Variants in GARS1 observed in about 807,000 individuals in gnomAD.
GARS1 encodes glycine--tRNA ligase.
A neutral mutation model predicts 86.4 loss-of-function variants in GARS1; 46 were observed. That is an observed-to-expected ratio of 0.53 (90% confidence interval 0.42 to 0.68). GARS1 has a LOEUF of 0.68. GARS1 is among the 30% of genes least tolerant of loss of function. The pLI, the probability that GARS1 is intolerant of heterozygous loss-of-function variation, is 0.00. For missense variants in GARS1, 797 were observed against 915.6 expected, an observed-to-expected ratio of 0.87 and a Z score of 1.67; for synonymous variants, 342 against 329.8, an observed-to-expected ratio of 1.04 and a Z score of -0.40.
chr7:30,617,370 G>A, intron 10 of GARS1, 92 bp downstream of exon 10: 13 of 1,386,360 alleles, frequency 9.4e-6, no homozygotes, highest in Non-Finnish European at 1.3e-5. Context: ...ATGTCACAGA[G>A]GAACAAAGGG....
At chr7:30,620,558 GAC>G (rs1782983396) in intron 10 of GARS1, among the ~76,000 whole-genome samples, 1 of 152,128 alleles carries the variant, frequency 6.6e-6, no homozygotes, top group African/African-American at 2.4e-5. Flanking sequence ...TTTTGTCAAG[GAC>G]ACAAGCATTC....
intron 7 of GARS1, 64 bp downstream of exon 7, chr7:30,609,794 G>A: frequency 6.6e-7 from 1 of 1,515,624 alleles, no homozygotes; most frequent in Non-Finnish European, 9.1e-7. Context: ...TATATTAAAA[G>A]GTAAATATCA....
At chr7:30,597,850 T>A (rs1273444711) in intron 1 of GARS1, among the ~76,000 whole-genome samples, 1 of 152,212 alleles carries the variant, frequency 6.6e-6, no homozygotes, top group Non-Finnish European at 1.5e-5. Context: ...CTATATCAAT[T>A]TAACAACTTT....
intron 6 of GARS1, among the ~76,000 whole-genome samples, chr7:30,607,267 T>A (rs1040665533): frequency 6.6e-6 from 1 of 152,142 alleles, no homozygotes; most frequent in Non-Finnish European, 1.5e-5. Flanking sequence ...TATAATCATA[T>A]AGCACAATAG....
intron 12 of GARS1, among the ~76,000 whole-genome samples, chr7:30,623,114 C>CAAAAAAAAAAAAAA (rs1205425678): frequency 7.9e-6 from 1 of 126,730 alleles, no homozygotes. Context: ...AAAAAAAAAA[C>CAAAAAAAAAAAAAA]AAAAAAAAAA....
intron 14 of GARS1, among the ~76,000 whole-genome samples, chr7:30,630,894 A>T (rs991113783): frequency 2.6e-5 from 4 of 152,150 alleles, no homozygotes; most frequent in African/African-American, 7.2e-5. Flanking sequence ...GTGTAGGTAT[A>T]TGGAACATCT....
At chr7:30,608,711 T>C (rs570275475) in intron 6 of GARS1, among the ~76,000 whole-genome samples, 62 of 152,220 alleles carry the variant, frequency 4.1e-4, no homozygotes, top group Non-Finnish European at 8.2e-4. Flanking sequence ...CTAAATACTT[T>C]ACATGTTTTG....
Position 30,615,832 on chromosome 7 carries a change from T to A in GARS1, c.1032-64T>A, listed in dbSNP as rs185927204. The A allele has an allele frequency of 8.7e-5, 137 of 1,571,932 alleles. No individual in the cohort carries two copies. The African/African-American group carries it at 1.7e-3, about 19-fold the overall frequency. On this transcript the variant is annotated intron_variant, in intron 8 of 16. Transcript: ENST00000389266. ...AATGCAGTTGAAAATAGAGGCCTTG[T>A]TTTTTGTTTGTTTGTTTTTTGTAGT...
chr7:30,607,915 T>G (rs1423915285), intron 6 of GARS1, among the ~76,000 whole-genome samples: 1 of 152,222 alleles, frequency 6.6e-6, no homozygotes, highest in African/African-American at 2.4e-5. Flanking sequence ...TATGCCCTCC[T>G]TTCTAGATAA....
At chr7:30,617,013 T>C (rs1782901249) in intron 9 of GARS1, 101 bp from the exon 10 acceptor site, 4 of 1,171,418 alleles carry the variant, frequency 3.4e-6, no homozygotes, top group Non-Finnish European at 3.8e-6. Flanking sequence ...TGTCAAATAT[T>C]TTTCAGTAGA....
chr7:30,602,675 A>G (rs1469222238), intron 4 of GARS1, among the ~76,000 whole-genome samples: 1 of 152,224 alleles, frequency 6.6e-6, no homozygotes, highest in African/African-American at 2.4e-5. Flanking sequence ...TAACTAGTCA[A>G]ATTCCCAGTG....
intron 11 of GARS1, 28 bp downstream of exon 11, chr7:30,621,528 C>T: frequency 1.3e-6 from 2 of 1,497,874 alleles, no homozygotes; most frequent in South Asian, 1.1e-5. Flanking sequence ...TCCAAAAACT[C>T]AGGATTCACA....
chr7:30,604,401 CTG>C (rs1791442188), intron 6 of GARS1, among the ~76,000 whole-genome samples: 1 of 152,182 alleles, frequency 6.6e-6, no homozygotes. Flanking sequence ...AAAACCAATA[CTG>C]TGATTATACC....
In GARS1 at chr7:30,594,938, C is replaced by G. The variant is rs1167760411; in HGVS notation, c.17C>G (p.Pro6Arg). The G allele has an allele frequency of 6.3e-7, 1 of 1,594,482 alleles. No homozygotes were observed. The highest frequency in any genetic ancestry group is 8.5e-7 in the Non-Finnish European group (1 of 1,177,510). ...CGCAGGCTCATGCCCTCTCCGCGTC[C>G]AGTGCTGCTTAGAGGTGCTCGCGCC... MPSPR[P>R]VLLRGARAAL... Residue 6 changes from proline to arginine, a missense_variant, in exon 1 of 17, where the codon CCA becomes CGA. By Grantham distance (103) the Pro-to-Arg change is moderately radical. This residue lies in a region of GARS1 where 199 missense variants were observed against 176.9 expected (regional missense o/e 1.12). Coordinates refer to ENST00000389266, the MANE Select transcript of GARS1 (RefSeq NM_002047.4).
chr7:30,596,726 A>AT (rs1369987841), intron 1 of GARS1, among the ~76,000 whole-genome samples: 1 of 152,160 alleles, frequency 6.6e-6, no homozygotes, highest in East Asian at 1.9e-4. Flanking sequence ...TAGTTTGGAT[A>AT]TTTTTTTCTA....
chr7:30,604,259 G>T (rs1400037247), intron 6 of GARS1, among the ~76,000 whole-genome samples: 1 of 152,140 alleles, frequency 6.6e-6, no homozygotes, highest in African/African-American at 2.4e-5. Context: ...ATGTATATAT[G>T]TTGCTGGTGT....
chr7:30,601,796 T>A (rs895446094), intron 4 of GARS1, among the ~76,000 whole-genome samples: 1 of 152,004 alleles, frequency 6.6e-6, no homozygotes, highest in African/African-American at 2.4e-5. Context: ...TTTGTGTGTG[T>A]GAGATGGAGT....
intron 9 of GARS1, among the ~76,000 whole-genome samples, chr7:30,616,283 G>A (rs1055901661): frequency 6.6e-6 from 1 of 152,164 alleles, no homozygotes; most frequent in Non-Finnish European, 1.5e-5. Flanking sequence ...GAAAAAAAAT[G>A]TTTAGCAGAG....
In GARS1 at chr7:30,609,593, CTAT is replaced by C. The variant is rs747585703; in HGVS notation, c.745_747del (p.Tyr249del). The C allele has an allele frequency of 6.2e-7, 1 of 1,612,698 alleles. No homozygotes were observed. The highest frequency in any genetic ancestry group is 1.1e-5 in the South Asian group (1 of 91,052). Reference sequence around the variant, plus strand: ...CTTTATATGTCTTTTAGCTTGATAACTATGGACAGCAAGAACTTGCGGATCTTT... The same window carrying C: ...CTTTATATGTCTTTTAGCTTGATAACGGACAGCAAGAACTTGCGGATCTTT... On this transcript the variant is annotated inframe_deletion, in exon 7 of 17. Coordinates refer to ENST00000389266, the MANE Select transcript of GARS1 (RefSeq NM_002047.4).
Sources: allele counts gnomAD v4.1 joint callset (sites outside exome capture counted in the v4.1 genomes callset), GRCh38; gene constraint gnomAD v4.1.1; regional missense constraint gnomAD v4.1.1; transcripts MANE v1.5; gene names NCBI Gene and HGNC (gene_info 2026-07-23, HGNC 2026-07-21).